The following EPS8 variants were observed in gnomAD, a reference collection of about 807,000 sequenced individuals.
EPS8 encodes the protein EGFR pathway substrate 8, signaling adaptor.
In EPS8, 42 loss-of-function variants were observed where a neutral mutation model predicts 103.8. That is an observed-to-expected ratio of 0.40 (90% CI 0.32 to 0.52). The LOEUF is 0.52. Among genes scored for constraint, EPS8 ranks in the 20% least tolerant of loss-of-function variants. The pLI, the probability that EPS8 is intolerant of heterozygous loss-of-function variation, is 0.40. For synonymous variants in EPS8, 344 were observed against 344.6 expected (o/e 1.00, Z 0.02); for missense variants, 969 against 1,005.1 (o/e 0.96, Z 0.49).
intron 1 of EPS8, among the ~76,000 whole-genome samples, chr12:15,774,037 T>A (rs1238158965): frequency 6.6e-6 from 1 of 152,086 alleles, no homozygotes; most frequent in Non-Finnish European, 1.5e-5. Flanking sequence ...GTGTACAAAC[T>A]AATTTACTGC....
chr12:15,737,914 T>C (rs137929865), intron 1 of EPS8, among the ~76,000 whole-genome samples: 2,276 of 152,204 alleles, frequency 0.015, 64 homozygotes, highest in African/African-American at 0.052. Context: ...TTTTTGTAAG[T>C]ACATGAAAAA....
chr12:15,782,616 A>G (rs528874272), intron 1 of EPS8, among the ~76,000 whole-genome samples: 2 of 152,310 alleles, frequency 1.3e-5, no homozygotes, highest in African/African-American at 2.4e-5. Context: ...ATGTATATAA[A>G]TACTAGTCTA....
At position 15,784,827 on chromosome 12, in the gene EPS8, G is replaced by A. The variant is rs764063847; in HGVS notation, c.-22+4334C>T. ...TATTAAACCTCAGGAAGACATGGAT[G>A]AACCTTAAATGTGTATTGCTAAATG... On this transcript the variant is annotated intron_variant, in intron 1 of 20. Transcript: ENST00000281172. This position sits in a 1 kb window ranked among gnomAD's most constrained non-coding sequence, Gnocchi z 4.0. 6.6e-6 allele frequency among the ~76,000 whole-genome samples: 1 copy of A among 152,108 alleles called. No homozygotes were observed. The highest frequency in any genetic ancestry group is 1.5e-5 in the Non-Finnish European group (1 of 67,958).
intron 1 of EPS8, among the ~76,000 whole-genome samples, chr12:15,707,476 T>C (rs1010326827): frequency 6.6e-6 from 1 of 152,054 alleles, no homozygotes; most frequent in African/African-American, 2.4e-5. Context: ...CTCCTTACTA[T>C]TTATTAAGCT....
chr12:15,724,044 A>T (rs1403074859), intron 1 of EPS8, among the ~76,000 whole-genome samples: 3 of 152,184 alleles, frequency 2.0e-5, no homozygotes, highest in Non-Finnish European at 4.4e-5. Context: ...TAACAGAAAA[A>T]TTCTATGGCT....
chr12:15,741,941 C>T (rs901664742), intron 1 of EPS8, among the ~76,000 whole-genome samples: 1 of 152,166 alleles, frequency 6.6e-6, no homozygotes, highest in Non-Finnish European at 1.5e-5. Context: ...TCAGTTCCCA[C>T]CTATGAGTGA....
Position 15,747,388 on chromosome 12 carries a change from A to C in EPS8, c.-22+41773T>G, listed in dbSNP as rs1565528485. On this transcript the variant is annotated intron_variant, in intron 1 of 20. Transcript: ENST00000281172. The surrounding 1 kb of genome is among the most constrained non-coding windows in gnomAD (Gnocchi z 4.4). ...TTAATCTTAGTACATTAACAAACTT[A>C]CTCCATTTCCTAGAAACCCAATCTG... 6.6e-6 allele frequency among the ~76,000 whole-genome samples: 1 copy of C among 152,152 alleles called. No homozygotes were observed. Among genetic ancestry groups the C allele is most frequent in the African/African-American group, 2.4e-5 (1 of 41,404 alleles).
intron 1 of EPS8, among the ~76,000 whole-genome samples, chr12:15,739,568 C>T (rs926806357): frequency 3.9e-5 from 6 of 152,066 alleles, no homozygotes; most frequent in African/African-American, 9.7e-5. Context: ...CTTCTTCTCC[C>T]GACCTTGGAT....
chr12:15,671,602 C>A (rs1222622094), intron 3 of EPS8: 2 of 152,018 alleles, frequency 1.3e-5, no homozygotes, highest in Admixed American at 1.3e-4. Flanking sequence ...CTTTAATTTT[C>A]TTTTCTGAAA....
chr12:15,692,744 T>G (rs532044776), intron 1 of EPS8, among the ~76,000 whole-genome samples: 2 of 152,126 alleles, frequency 1.3e-5, no homozygotes, highest in African/African-American at 4.8e-5. Context: ...TTGTAATTTT[T>G]TTTTCTACTT....
chr12:15,765,949 G>A (rs1394591552), intron 1 of EPS8, among the ~76,000 whole-genome samples: 1 of 151,700 alleles, frequency 6.6e-6, no homozygotes, highest in South Asian at 2.1e-4. Flanking sequence ...GAGTAGCTGG[G>A]ATTACAGGCG....
intron 20 of EPS8, among the ~76,000 whole-genome samples, chr12:15,622,799 T>A (rs1000979011): frequency 8.0e-4 from 107 of 133,862 alleles, no homozygotes; most frequent in African/African-American, 3.2e-3. Context: ...AAAAAAAAAA[T>A]ATTAAGAATA....
intron 19 of EPS8, among the ~76,000 whole-genome samples, chr12:15,623,581 A>C (rs370100486): frequency 5.9e-5 from 9 of 152,204 alleles, no homozygotes; most frequent in African/African-American, 2.2e-4. Flanking sequence ...GAAGGAATAG[A>C]TAACTTTCTA....
intron 1 of EPS8, among the ~76,000 whole-genome samples, chr12:15,763,574 G>A (rs140195298): frequency 1.1e-4 from 17 of 152,208 alleles, no homozygotes; most frequent in African/African-American, 2.2e-4. Context: ...GTTCCTTAAT[G>A]GAAAAGACTC....
At position 15,670,919 on chromosome 12, in the gene EPS8, T is replaced by C; in HGVS notation, c.141A>G (p.Gln47=). ...CACTGTCCCGTGCATAATTCTTCCT[T>C]TGTTCTGAAAGAGAAATTGAAAAAG... The part of the protein sequence containing the change: ...SKTSAKALYE[Q]RKNYARDSVS... Residue 47 remains glutamine, a synonymous_variant, in exon 4 of 21, where the codon CAA becomes CAG. Coordinates refer to ENST00000281172, the MANE Select transcript of EPS8 (RefSeq NM_004447.6). 6.2e-7 allele frequency: 1 copy of C among 1,611,502 alleles called. No individual in the cohort carries two copies. Among genetic ancestry groups the C allele is most frequent in the South Asian group, 1.1e-5 (1 of 90,842 alleles).
Position 15,772,805 on chromosome 12 carries a change from A to G in EPS8, c.-22+16356T>C, listed in dbSNP as rs1461940124. Among the ~76,000 whole-genome samples, 1 of 152,170 alleles carries G rather than the reference A, an allele frequency of 6.6e-6. No individual in the cohort carries two copies. Among genetic ancestry groups the G allele is most frequent in the African/African-American group, 2.4e-5 (1 of 41,454 alleles). Reference sequence around the variant, plus strand: ...TTAAAAGAAGGCAAAAATCATTACAAACATACATTCATTCAGCAAATAGAC... The same window carrying G: ...TTAAAAGAAGGCAAAAATCATTACAGACATACATTCATTCAGCAAATAGAC... On this transcript the variant is annotated intron_variant, in intron 1 of 20. Transcript: ENST00000281172. The surrounding 1 kb of genome is among the most constrained non-coding windows in gnomAD (Gnocchi z 5.0).
chr12:15,628,148 A>G (rs1944981621), intron 18 of EPS8, among the ~76,000 whole-genome samples: 1 of 152,106 alleles, frequency 6.6e-6, no homozygotes, highest in Non-Finnish European at 1.5e-5. Flanking sequence ...AATACTATTG[A>G]TTGTTACATT....
intron 1 of EPS8, among the ~76,000 whole-genome samples, chr12:15,763,714 T>A (rs1947064865): frequency 1.3e-5 from 2 of 152,212 alleles, no homozygotes; most frequent in Non-Finnish European, 2.9e-5. Flanking sequence ...TCTTTCTCCA[T>A]CCTGTTTATG....
intron 1 of EPS8, among the ~76,000 whole-genome samples, chr12:15,703,131 G>C (rs1049445400): frequency 6.6e-6 from 1 of 152,142 alleles, no homozygotes; most frequent in African/African-American, 2.4e-5. Context: ...CCTGGTGATG[G>C]AGCGAGACTC....
Sources: allele counts gnomAD v4.1 joint callset (sites outside exome capture counted in the v4.1 genomes callset), GRCh38; gene constraint gnomAD v4.1.1; non-coding constraint Gnocchi (gnomAD v3.1); transcripts MANE v1.5; gene names NCBI Gene and HGNC (gene_info 2026-07-23, HGNC 2026-07-21).